Variants in MYO1G observed in about 807,000 individuals in gnomAD.
MYO1G encodes the protein myosin IG, also known as unconventional myosin-Ig.
A neutral mutation model predicts 115.3 loss-of-function variants in MYO1G; 65 were observed. The observed-to-expected ratio is 0.56, with a 90% CI of 0.46 to 0.69. The LOEUF is 0.69. MYO1G is among the 30% of genes least tolerant of loss of function. MYO1G has a pLI of 0.00. For synonymous variants in MYO1G, 510 were observed against 552.6 expected (o/e 0.92, Z 1.08); for missense variants, 1,204 against 1,393.5 (o/e 0.86, Z 2.16).
rs538331734 is a variant in MYO1G, at chr7:44,964,734, G to A, written c.2526+211C>T. ...GGCTGCATCTGAGCCTGGCCCTCCT[G>A]TCATCCACACCCACCCCCGAAGGCC... is the stretch of plus-strand genomic sequence containing the variant. On this transcript the variant is annotated intron_variant, in intron 18 of 21. Coordinates refer to ENST00000258787, the MANE Select transcript of MYO1G (RefSeq NM_033054.3). This position sits in a 1 kb window ranked among gnomAD's most constrained non-coding sequence, Gnocchi z 5.1. Among the ~76,000 whole-genome samples, 1 of 152,282 alleles carries A rather than the reference G, an allele frequency of 6.6e-6. No homozygotes were observed. The highest frequency in any genetic ancestry group is 2.4e-5 in the African/African-American group (1 of 41,562).
At position 44,969,667 on chromosome 7, in the gene MYO1G, C is replaced by G. The variant is rs749057479; in HGVS notation, c.1503+38G>C. 1.2e-6 allele frequency: 2 copies of G among 1,607,154 alleles called. No homozygotes were observed. The highest frequency in any genetic ancestry group is 1.7e-6 in the Non-Finnish European group (2 of 1,178,252). On this transcript the variant is annotated intron_variant, in intron 11 of 21. Transcript: ENST00000258787. This position sits in a 1 kb window ranked among gnomAD's most constrained non-coding sequence, Gnocchi z 5.0. Reference sequence around the variant, plus strand: ...CATGGTGCCTGTGGGGCAGGTCCCACCAGCCCACTGTGGTGGCACTGGGAC... The same window carrying G: ...CATGGTGCCTGTGGGGCAGGTCCCAGCAGCCCACTGTGGTGGCACTGGGAC...
rs1395305645 is a variant in MYO1G, at chr7:44,976,985, T to C, written c.182A>G (p.Glu61Gly). ...ACGGCCCTGGTACCTGGCGATGGCC[T>C]CAGGCCCATACAGGGGCAGCTCCTG... is the stretch of plus-strand genomic sequence containing the variant. The part of the protein sequence containing the change: ...PYQELPLYGP[E>G]AIARYQGREL... Residue 61 changes from glutamate to glycine, a missense_variant, in exon 2 of 22, where the codon GAG becomes GGG. By Grantham distance (98) the Glu-to-Gly change is moderately conservative. Transcript: ENST00000258787. The C allele has an allele frequency of 2.5e-6, 4 of 1,613,654 alleles. No individual in the cohort carries two copies. The South Asian group carries it at 4.4e-5, about 18-fold the overall frequency.
At chr7:44,977,530 A>G (rs1795078807) in intron 1 of MYO1G, among the ~76,000 whole-genome samples, 1 of 152,124 alleles carries the variant, frequency 6.6e-6, no homozygotes, top group Admixed American at 6.5e-5. Context: ...GGGAACCCAG[A>G]GACAAAAGGG....
chr7:44,964,214 G>C lies in MYO1G; in HGVS notation c.2632-52C>G. 1 of 1,505,796 alleles carries C rather than the reference G, an allele frequency of 6.6e-7. No homozygotes were observed. Among genetic ancestry groups the C allele is most frequent in the African/African-American group, 1.4e-5 (1 of 72,478 alleles). 93.3% of individuals were successfully genotyped at this position (1,505,796 alleles called of 1,614,324 possible). On this transcript the variant is annotated intron_variant, in intron 19 of 21. Coordinates refer to ENST00000258787, the MANE Select transcript of MYO1G (RefSeq NM_033054.3). This position sits in a 1 kb window ranked among gnomAD's most constrained non-coding sequence, Gnocchi z 5.1. ...CTGGTGCTGCCCTGTCACCCACCAG[G>C]GCCCCAGGCTTCGGCAGTCCCTACT...
chr7:44,966,630 GGGACTATGGCCCAT>G lies in MYO1G; in HGVS notation c.1949+28_1949+41del. ...GCTCCTACCCCTTGGACTCCACACA[GGGACTATGGCCCAT>G]GGAGTGATGGGTGTCAGGTGCCAGT... On this transcript the variant is annotated intron_variant, in intron 15 of 21. Transcript: ENST00000258787. The surrounding 1 kb of genome is among the most constrained non-coding windows in gnomAD (Gnocchi z 5.0). 1 of 1,611,398 alleles carries G rather than the reference GGGACTATGGCCCAT, an allele frequency of 6.2e-7. No homozygotes were observed. The highest frequency in any genetic ancestry group is 8.5e-7 in the Non-Finnish European group (1 of 1,178,960).
At position 44,966,866 on chromosome 7, in the gene MYO1G, G is replaced by A. The variant is rs1419664611; in HGVS notation, c.1783-28C>T. ...GCAGGGACAGAGGGGACTTGGAGAG[G>A]GTCTGCGCCAGCAGCACTGTGCACC... On this transcript the variant is annotated intron_variant, in intron 14 of 21. Transcript: ENST00000258787. This position sits in a 1 kb window ranked among gnomAD's most constrained non-coding sequence, Gnocchi z 5.0. 1 of 1,578,022 alleles carries A rather than the reference G, an allele frequency of 6.3e-7. No individual in the cohort carries two copies. Among genetic ancestry groups the A allele is most frequent in the African/African-American group, 1.3e-5 (1 of 74,156 alleles).
In MYO1G at chr7:44,964,348, TTC is replaced by T; in HGVS notation, c.2631+65_2631+66del. ...TGCCCCCCCAAAACTCTGCACCAGC[TTC>T]TAACCTTGCAGACGTGGCTAGAAAA... On this transcript the variant is annotated intron_variant, in intron 19 of 21. Transcript: ENST00000258787. The surrounding 1 kb of genome is among the most constrained non-coding windows in gnomAD (Gnocchi z 5.1). 6.6e-7 allele frequency: 1 copy of T among 1,506,586 alleles called. No homozygotes were observed. 93.3% of individuals were successfully genotyped at this position (1,506,586 alleles called of 1,614,324 possible).
At chr7:44,974,902 A>T in intron 5 of MYO1G, 2 of 533,018 alleles carry the variant, frequency 3.8e-6, no homozygotes, top group Non-Finnish European at 3.4e-6. Flanking sequence ...TCACAGAGAC[A>T]CTTATGGGTC....
intron 16 of MYO1G, 99 bp from the exon 17 acceptor site, chr7:44,965,959 G>A: frequency 6.5e-7 from 1 of 1,534,226 alleles, no homozygotes; most frequent in Non-Finnish European, 8.9e-7. Flanking sequence ...GCACTCCCTG[G>A]CCTGTCTCCA....
chr7:44,971,600 C>A, intron 7 of MYO1G, 73 bp downstream of exon 7: 2 of 1,126,172 alleles, frequency 1.8e-6, no homozygotes, highest in South Asian at 1.4e-5. Flanking sequence ...GTCTCCTCCT[C>A]ATCCCTGGGT....
chr7:44,975,483 CCTT>C lies in MYO1G; in HGVS notation c.562_564del (p.Lys188del), dbSNP rs756630240. ...GAGGTCTCCTCAGCCCACCTGCCCA[CCTT>C]CTCCAGTAGGTAGCTGTGGATGTGT... On this transcript the variant is annotated inframe_deletion and splice_region_variant, in exon 4 of 22. Coordinates refer to ENST00000258787, the MANE Select transcript of MYO1G (RefSeq NM_033054.3). 68 of 1,606,060 alleles carry C rather than the reference CCTT, an allele frequency of 4.2e-5. No individual in the cohort carries two copies. Among genetic ancestry groups the C allele is most frequent in the Non-Finnish European group, 3.4e-6 (4 of 1,174,766 alleles).
chr7:44,969,139 T>A lies in MYO1G; in HGVS notation c.1574+274A>T. 3.8e-6 allele frequency: 1 copy of A among 265,556 alleles called. No individual in the cohort carries two copies. Among genetic ancestry groups the A allele is most frequent in the East Asian group, 8.9e-5 (1 of 11,200 alleles). The allele number at this position is 265,556 out of a possible 1,614,324, so 16.4% of individuals were successfully genotyped here. A position where few individuals can be genotyped will look rare whatever the true frequency, so the allele number is the denominator to read the frequency against. On this transcript the variant is annotated intron_variant, in intron 12 of 21. Transcript: ENST00000258787. This position sits in a 1 kb window ranked among gnomAD's most constrained non-coding sequence, Gnocchi z 5.0. ...CTGAAGCCCCCCACCCCACAGATGC[T>A]GGTATAGGGTTGGGCCCAGACATGA...
At chr7:44,967,793 C>T in intron 13 of MYO1G, 56 bp from the exon 14 acceptor site, 4 of 1,611,894 alleles carry the variant, frequency 2.5e-6, no homozygotes, top group Middle Eastern at 3.3e-4. Context: ...CCCACCCACC[C>T]ACGTCCTGAC....
At position 44,977,003 on chromosome 7, in the gene MYO1G, A is replaced by C. The variant is rs769048455; in HGVS notation, c.164T>G (p.Leu55Arg). 6.2e-7 allele frequency: 1 copy of C among 1,613,648 alleles called. No individual in the cohort carries two copies. Among genetic ancestry groups the C allele is most frequent in the Non-Finnish European group, 8.5e-7 (1 of 1,180,016 alleles). The change falls in exon 2 of 22, where the codon CTG becomes CGG. Residue 55 changes from leucine to arginine, a missense_variant. Transcript: ENST00000258787. The part of the protein sequence containing the change: ...VLVSVNPYQE[L>R]PLYGPEAIAR... ...GATGGCCTCAGGCCCATACAGGGGC[A>C]GCTCCTGGTAGGGGTTCACGGACAC... is the stretch of plus-strand genomic sequence containing the variant.
Position 44,963,117 on chromosome 7 carries a change from C to A in MYO1G, c.2753G>T (p.Gly918Val). 2 of 1,481,988 alleles carry A rather than the reference C, an allele frequency of 1.3e-6. No homozygotes were observed. The highest frequency in any genetic ancestry group is 1.8e-6 in the Non-Finnish European group (2 of 1,121,464). The allele number at this position is 1,481,988 out of a possible 1,614,324, so 91.8% of individuals were successfully genotyped here. ...MRAVPLEAVTGLSVTSGGDQL... is the reference protein window; with the variant it reads ...MRAVPLEAVTVLSVTSGGDQL... ...GTCTCCTCCGCTGGTCACGCTCAGC[C>A]CCGTCACCTGAGCGGAGCGCGGGGT... Residue 918 changes from glycine (G) to valine (V), a missense_variant, in exon 21 of 22, where the codon GGG becomes GTG. Physicochemically the swap from Gly to Val is moderately radical, Grantham distance 109. Coordinates refer to ENST00000258787, the MANE Select transcript of MYO1G (RefSeq NM_033054.3). This position sits in a 1 kb window ranked among gnomAD's most constrained non-coding sequence, Gnocchi z 4.1.
Position 44,969,902 on chromosome 7 carries a change from G to T in MYO1G, c.1333-27C>A, listed in dbSNP as rs746927173. On this transcript the variant is annotated intron_variant, in intron 10 of 21. Transcript: ENST00000258787. This position sits in a 1 kb window ranked among gnomAD's most constrained non-coding sequence, Gnocchi z 5.0. ...TGGGGCAAAGGCAGCCAGCAAGGAA[G>T]CTCCCAAGGTCTTTCAGGCCACCTC... 2 of 1,592,152 alleles carry T rather than the reference G, an allele frequency of 1.3e-6. No homozygotes were observed. The highest frequency in any genetic ancestry group is 8.6e-7 in the Non-Finnish European group (1 of 1,168,112).
rs1284113645 is a variant in MYO1G at position 44,966,446 on chromosome 7, A to G, written c.1950-166T>C. 7.4e-6 allele frequency: 6 copies of G among 813,166 alleles called. No homozygotes were observed. Among genetic ancestry groups the G allele is most frequent in the African/African-American group, 1.7e-5 (1 of 59,138 alleles). The allele number at this position is 813,166 out of a possible 1,614,324, so 50.4% of individuals were successfully genotyped here. ...TTCCCATACACATGTCCTCACATAC[A>G]TGTCCTCACACAGCCCTCATACCCA... On this transcript the variant is annotated intron_variant, in intron 15 of 21. Coordinates refer to ENST00000258787, the MANE Select transcript of MYO1G (RefSeq NM_033054.3). The surrounding 1 kb of genome is among the most constrained non-coding windows in gnomAD (Gnocchi z 5.0).
chr7:44,966,328 G>A lies in MYO1G; in HGVS notation c.1950-48C>T, dbSNP rs375171755. 2.0e-6 allele frequency: 3 copies of A among 1,515,116 alleles called. No homozygotes were observed. The highest frequency in any genetic ancestry group is 2.7e-6 in the Non-Finnish European group (3 of 1,117,240). The allele number at this position is 1,515,116 out of a possible 1,614,324, so 93.9% of individuals were successfully genotyped here. A position where few individuals can be genotyped will look rare whatever the true frequency, so the allele number is the denominator to read the frequency against. ...TGTGGCCCAGGCCTGGGGGAGAGAT[G>A]ATGGAGCCCACCCTGCCCACCCCAC... On this transcript the variant is annotated intron_variant, in intron 15 of 21. Transcript: ENST00000258787. The surrounding 1 kb of genome is among the most constrained non-coding windows in gnomAD (Gnocchi z 5.0).
At position 44,964,273 on chromosome 7, in the gene MYO1G, T is replaced by C. The variant is rs1794800036; in HGVS notation, c.2632-111A>G. 2.3e-6 allele frequency: 3 copies of C among 1,287,022 alleles called. No homozygotes were observed. The highest frequency in any genetic ancestry group is 2.9e-5 in the African/African-American group (2 of 67,968). The allele number at this position is 1,287,022 out of a possible 1,614,324, so 79.7% of individuals were successfully genotyped here. A position where few individuals can be genotyped will look rare whatever the true frequency, so the allele number is the denominator to read the frequency against. ...TCCCCGCTGGCGACAGTTTTGGGAG[T>C]GTCAGGAGCAGCTGGGCCTGGGCTG... is the stretch of plus-strand genomic sequence containing the variant. On this transcript the variant is annotated intron_variant, in intron 19 of 21. Transcript: ENST00000258787. This position sits in a 1 kb window ranked among gnomAD's most constrained non-coding sequence, Gnocchi z 5.1.
Sources: allele counts gnomAD v4.1 joint callset (sites outside exome capture counted in the v4.1 genomes callset), GRCh38; gene constraint gnomAD v4.1.1; non-coding constraint Gnocchi (gnomAD v3.1); transcripts MANE v1.5; gene names NCBI Gene and HGNC (gene_info 2026-07-23, HGNC 2026-07-21).